Variants in ANKFN1 observed in about 807,000 individuals in gnomAD.
ANKFN1 encodes the protein ankyrin repeat and fibronectin type-III domain-containing protein 1.
ANKFN1 carries 74 observed loss-of-function variants against 108.7 expected under a neutral mutation model. The observed-to-expected ratio is 0.68, with a 90% CI of 0.56 to 0.83. ANKFN1 has a LOEUF of 0.83. Ranked by LOEUF, ANKFN1 falls within the 40% of genes least tolerant of loss-of-function variation. ANKFN1 has a pLI of 0.00. For missense variants in ANKFN1, 1,505 were observed against 1,382.3 expected (o/e 1.09, Z -1.41); for synonymous variants, 547 against 516.2 (o/e 1.06, Z -0.81).
intron 4 of ANKFN1, among the ~76,000 whole-genome samples, chr17:56,147,269 T>A (rs1244261494): frequency 6.6e-6 from 1 of 152,198 alleles, no homozygotes; most frequent in African/African-American, 2.4e-5. Context: ...AGCCTCTGCC[T>A]GTTACCCAGT....
intron 3 of ANKFN1, among the ~76,000 whole-genome samples, chr17:56,231,911 T>C (rs1375814297): frequency 6.6e-6 from 1 of 152,148 alleles, no homozygotes; most frequent in East Asian, 1.9e-4. Flanking sequence ...CCCCTAGCTG[T>C]CCTCACAACA....
intron 1 of ANKFN1, among the ~76,000 whole-genome samples, chr17:56,211,702 G>C (rs1915025441): frequency 6.6e-6 from 1 of 152,088 alleles, no homozygotes; most frequent in Admixed American, 6.5e-5. Context: ...TGGCAGTATG[G>C]TTATTTTCAC....
At chr17:56,220,840 GAGGGAGGGAGGAAGGAAGGAAGGAAGGA>G in intron 2 of ANKFN1, among the ~76,000 whole-genome samples, 1 of 71,858 alleles carries the variant, frequency 1.4e-5, no homozygotes, top group Non-Finnish European at 2.3e-5. Context: ...GGGAGGAAGG[GAGGGAGGGAGGAAGGAAGGAAGGAAGGA>G]AGGGAGGGAG....
At chr17:56,398,856 G>A (rs1304284766) in intron 8 of ANKFN1, among the ~76,000 whole-genome samples, 1 of 152,110 alleles carries the variant, frequency 6.6e-6, no homozygotes, top group Non-Finnish European at 1.5e-5. Flanking sequence ...GAGATAATAT[G>A]TTATAATGCT....
At chr17:56,093,686 T>C (rs148022002) in intron 4 of ANKFN1, among the ~76,000 whole-genome samples, 1,913 of 151,530 alleles carry the variant, frequency 0.013, 95 homozygotes, top group African/African-American at 0.044. Flanking sequence ...CGCAAGTAAA[T>C]GTCAAGCCCC....
rs74653276 is a variant in ANKFN1 at position 56,069,450 on chromosome 17, G to A, written c.288+23125G>A. Among the ~76,000 whole-genome samples, 332 of 152,260 alleles carry A rather than the reference G, an allele frequency of 2.2e-3. 8 individuals are homozygous for A. The East Asian group carries it at 0.053, about 24-fold the overall frequency. On this transcript the variant is annotated intron_variant, in intron 4 of 12. Transcript: ENST00000635860. ...CAGGCACGAGTATTCCAGGAACAAGGTTTCACTGTGACAACTGGACATTCC... is the reference window on the plus strand; with the variant it reads ...CAGGCACGAGTATTCCAGGAACAAGATTTCACTGTGACAACTGGACATTCC...
At chr17:56,468,431 T>C (rs2050206120) in intron 15 of ANKFN1, among the ~76,000 whole-genome samples, 1 of 151,988 alleles carries the variant, frequency 6.6e-6, no homozygotes, top group South Asian at 2.1e-4. Context: ...TCTCTGTTTT[T>C]TTTTTAATCC....
intron 8 of ANKFN1, among the ~76,000 whole-genome samples, chr17:56,377,298 T>C (rs1365436477): frequency 6.6e-6 from 1 of 152,248 alleles, no homozygotes; most frequent in African/African-American, 2.4e-5. Context: ...AGTTTGTTGA[T>C]ATGTTGACAT....
intron 3 of ANKFN1, among the ~76,000 whole-genome samples, chr17:56,239,792 C>T (rs1167202120): frequency 6.6e-6 from 1 of 152,064 alleles, no homozygotes; most frequent in African/African-American, 2.4e-5. Context: ...GGCTACTGGT[C>T]AGCATACAAA....
At chr17:56,449,280 A>T in intron 11 of ANKFN1, 94 bp downstream of exon 11, 2 of 826,276 alleles carry the variant, frequency 2.4e-6, no homozygotes, top group Non-Finnish European at 3.8e-6. Context: ...CTTCTCATTC[A>T]TCAGGGAGAG....
At chr17:56,308,004 GCAT>G (rs2044885447) in intron 3 of ANKFN1, among the ~76,000 whole-genome samples, 1 of 151,994 alleles carries the variant, frequency 6.6e-6, no homozygotes, top group South Asian at 2.1e-4. Context: ...GAAGAGAACC[GCAT>G]GTTCTCACTC....
chr17:56,126,593 A>G (rs532630282), intron 4 of ANKFN1, among the ~76,000 whole-genome samples: 1 of 152,310 alleles, frequency 6.6e-6, no homozygotes, highest in African/African-American at 2.4e-5. Flanking sequence ...TGTAAAAGCC[A>G]CATACAGACC....
intron 8 of ANKFN1, among the ~76,000 whole-genome samples, chr17:56,423,162 A>G (rs1333746122): frequency 6.6e-6 from 1 of 152,232 alleles, no homozygotes; most frequent in Non-Finnish European, 1.5e-5. Context: ...TTATTTGTTC[A>G]GTGTTGATAG....
rs1555589520 is a variant in ANKFN1 at position 56,062,573 on chromosome 17, T to TTTTTTTTTTTTTTTTTTTTTTTTTTTTTC, written c.288+16248_288+16249insTTTTTTTTTTTTTTTTTTTTTTTTTTTTC. Among the ~76,000 whole-genome samples, 49 of 145,198 alleles carry TTTTTTTTTTTTTTTTTTTTTTTTTTTTTC rather than the reference T, an allele frequency of 3.4e-4. 2 individuals are homozygous for TTTTTTTTTTTTTTTTTTTTTTTTTTTTTC. The highest frequency in any genetic ancestry group is 1.3e-3 in the African/African-American group (46 of 35,298). ...TGTAATCTCTGCTTTTTTTTTTTTT[T>TTTTTTTTTTTTTTTTTTTTTTTTTTTTTC]CTTTCCATTTGCTTGGTAAATTTTC... On this transcript the variant is annotated intron_variant, in intron 4 of 12. Transcript: ENST00000635860.
chr17:56,441,461 G>A (rs979336040), intron 9 of ANKFN1, among the ~76,000 whole-genome samples: 18 of 151,938 alleles, frequency 1.2e-4, no homozygotes, highest in Admixed American at 9.9e-4. Context: ...AGTCCTAATC[G>A]CATATCTATA....
At chr17:56,440,815 G>A (rs1411204810) in intron 9 of ANKFN1, among the ~76,000 whole-genome samples, 3 of 151,902 alleles carry the variant, frequency 2.0e-5, no homozygotes, top group African/African-American at 4.8e-5. Context: ...CACAGCCTCA[G>A]CCTCGGTTGA....
chr17:56,510,911 C>T lies in ANKFN1; in HGVS notation c.3083C>T (p.Ser1028Leu), dbSNP rs541367386. ...LRIHSETQSL[S>L]LSEGIYTQHL... ...ATCCACAGCGAGACCCAGTCGCTAT[C>T]GCTCTCTGAGGGCATTTATACACAG... Residue 1028 changes from serine (S) to leucine (L), a missense_variant, in exon 21 of 21, where the codon TCG becomes TTG. By Grantham distance (145) the Ser-to-Leu change is moderately radical. Coordinates refer to ENST00000682825, the MANE Select transcript of ANKFN1 (RefSeq NM_001370326.1). 174 of 1,536,170 alleles carry T rather than the reference C, an allele frequency of 1.1e-4. 1 individual carries two copies. The South Asian group carries it at 1.9e-3, about 17-fold the overall frequency.
At chr17:56,308,099 A>G in intron 3 of ANKFN1, among the ~76,000 whole-genome samples, 1 of 152,038 alleles carries the variant, frequency 6.6e-6, no homozygotes, top group Admixed American at 6.6e-5. Flanking sequence ...GGATCGGGGG[A>G]GTGGGGAGGG....
At chr17:56,488,438 G>A (rs2050926185) in intron 18 of ANKFN1, among the ~76,000 whole-genome samples, 1 of 152,192 alleles carries the variant, frequency 6.6e-6, no homozygotes, top group African/African-American at 2.4e-5. Context: ...TGGGCCATAG[G>A]AAGGAGGAAC....
Sources: allele counts gnomAD v4.1 joint callset (sites outside exome capture counted in the v4.1 genomes callset), GRCh38; gene constraint gnomAD v4.1.1; transcripts MANE v1.5; gene names NCBI Gene and HGNC (gene_info 2026-07-23, HGNC 2026-07-21).